ZNF512: variants seen among roughly 807,000 people sequenced by gnomAD.
The protein encoded by ZNF512 is zinc finger protein 512.
ZNF512 carries 25 observed loss-of-function variants against 77.5 expected under a neutral mutation model. That is an observed-to-expected ratio of 0.32 (90% CI 0.23 to 0.45). ZNF512 has a LOEUF of 0.45. Ranked by LOEUF, ZNF512 falls within the 20% of genes least tolerant of loss-of-function variation. ZNF512 has a pLI of 1.00. For missense variants in ZNF512, 483 were observed against 692.6 expected, an observed-to-expected ratio of 0.70 and a Z score of 3.40; for synonymous variants, 246 against 239.9, an observed-to-expected ratio of 1.03 and a Z score of -0.24.
chr2:27,591,005 T>C (rs1671549431), intron 2 of ZNF512, among the ~76,000 whole-genome samples: 1 of 152,224 alleles, frequency 6.6e-6, no homozygotes, highest in Non-Finnish European at 1.5e-5. Context: ...ACAAATTTTT[T>C]CTCTCAAAAT....
At chr2:27,612,174 G>A (rs922101300) in intron 10 of ZNF512, among the ~76,000 whole-genome samples, 10 of 152,024 alleles carry the variant, frequency 6.6e-5, no homozygotes, top group Non-Finnish European at 1.5e-4. Context: ...TTATTTTGCT[G>A]CTCAATGTGT....
chr2:27,587,289 T>C (rs1239971960), intron 2 of ZNF512, among the ~76,000 whole-genome samples: 5 of 151,520 alleles, frequency 3.3e-5, no homozygotes, highest in African/African-American at 9.7e-5. Flanking sequence ...TTTTTTTTCT[T>C]TTTTTGAGAC....
intron 2 of ZNF512, among the ~76,000 whole-genome samples, chr2:27,592,690 T>G (rs1008052250): frequency 3.0e-4 from 34 of 112,056 alleles, no homozygotes; most frequent in African/African-American, 1.0e-3. Context: ...TTTTTTTTTT[T>G]TTTTTTTGTT....
At chr2:27,614,159 G>A (rs1672785884) in intron 10 of ZNF512, among the ~76,000 whole-genome samples, 1 of 152,026 alleles carries the variant, frequency 6.6e-6, no homozygotes, top group Non-Finnish European at 1.5e-5. Context: ...TTTTGTCGCA[G>A]AGAATCAGCT....
chr2:27,591,178 A>G (rs574506455), intron 2 of ZNF512, among the ~76,000 whole-genome samples: 13 of 152,208 alleles, frequency 8.5e-5, no homozygotes, highest in Non-Finnish European at 1.9e-4. Flanking sequence ...CTGGGACTAT[A>G]GTTGCATGGC....
chr2:27,598,304 T>C lies in ZNF512; in HGVS notation c.277+50T>C, dbSNP rs779645530. The C allele has an allele frequency of 3.2e-6, 5 of 1,555,404 alleles. No homozygotes were observed. The Admixed American group carries it at 8.4e-5, about 26-fold the overall frequency. On this transcript the variant is annotated intron_variant, in intron 3 of 13. Coordinates refer to ENST00000355467, the MANE Select transcript of ZNF512 (RefSeq NM_032434.4). ...GAAGACGGGCCACTTCCTAAAGTTATAGTTTGAGATTGTTATAAATACCTC... is the reference window on the plus strand; with the variant it reads ...GAAGACGGGCCACTTCCTAAAGTTACAGTTTGAGATTGTTATAAATACCTC...
At chr2:27,603,401 T>G in intron 9 of ZNF512, 94 bp downstream of exon 9, 6 of 1,315,146 alleles carry the variant, frequency 4.6e-6, no homozygotes, top group Non-Finnish European at 6.3e-6. Flanking sequence ...GGTTCCTCAT[T>G]TGTATCCTCT....
At chr2:27,601,772 C>A (rs566404628) in intron 7 of ZNF512, among the ~76,000 whole-genome samples, 2 of 152,278 alleles carry the variant, frequency 1.3e-5, no homozygotes, top group South Asian at 2.1e-4. Flanking sequence ...CCTCAGCCTC[C>A]CGAGTAGGTG....
intron 10 of ZNF512, among the ~76,000 whole-genome samples, chr2:27,610,874 G>A (rs1407227814): frequency 1.3e-5 from 2 of 151,158 alleles, no homozygotes; most frequent in Non-Finnish European, 3.0e-5. Context: ...GCGTGGCCTG[G>A]TTTATATTTT....
chr2:27,604,366 T>G (rs1435350608), intron 9 of ZNF512, among the ~76,000 whole-genome samples: 1 of 151,858 alleles, frequency 6.6e-6, no homozygotes, highest in African/African-American at 2.4e-5. Flanking sequence ...ACCCTGTGGT[T>G]TCTTTTTTTT....
At chr2:27,610,569 T>TATATATA (rs70953871) in intron 10 of ZNF512, among the ~76,000 whole-genome samples, 2 of 15,796 alleles carry the variant, frequency 1.3e-4, no homozygotes, top group Non-Finnish European at 2.3e-4. Flanking sequence ...TATATATATA[T>TATATATA]TTTTTTTTTT....
chr2:27,617,538 T>C lies in ZNF512; in HGVS notation c.1362T>C (p.Gly454=). ...AGAAAGAATTTGTGTCAGAGAGTGG[T>C]GTCAAGTATCACATCAACTCCGTCC... ...LCQKEFVSES[G]VKYHINSVHA... The change falls in exon 13 of 14, where the codon GGT becomes GGC. Residue 454 remains glycine (G), a synonymous_variant. Transcript: ENST00000355467. 6.9e-7 allele frequency: 1 copy of C among 1,459,520 alleles called. No individual in the cohort carries two copies. The highest frequency in any genetic ancestry group is 9.6e-7 in the Non-Finnish European group (1 of 1,039,030). 90.4% of individuals were successfully genotyped at this position (1,459,520 alleles called of 1,614,324 possible). A position where few individuals can be genotyped will look rare whatever the true frequency, so the allele number is the denominator to read the frequency against.
intron 10 of ZNF512, among the ~76,000 whole-genome samples, chr2:27,610,378 T>TAA (rs1237404804): frequency 8.4e-5 from 12 of 142,812 alleles, no homozygotes; most frequent in Admixed American, 1.4e-4. Flanking sequence ...AAAAAAAAAA[T>TAA]AAATAAATAA....
chr2:27,593,245 C>A (rs868396196), intron 2 of ZNF512, among the ~76,000 whole-genome samples: 75 of 122,810 alleles, frequency 6.1e-4, no homozygotes, highest in Admixed American at 1.8e-3. Flanking sequence ...CACACACACA[C>A]AAAAGAATGA....
chr2:27,596,120 T>G (rs1028863261), intron 2 of ZNF512, among the ~76,000 whole-genome samples: 9 of 152,224 alleles, frequency 5.9e-5, no homozygotes, highest in African/African-American at 2.2e-4. Context: ...TTTGTTAAAA[T>G]CTCGGTTCTG....
chr2:27,594,647 C>T (rs867435269), intron 2 of ZNF512, among the ~76,000 whole-genome samples: 10 of 138,812 alleles, frequency 7.2e-5, no homozygotes, highest in Admixed American at 2.2e-4. Flanking sequence ...ACTTCCCAGA[C>T]GGGGCGGCCG....
At chr2:27,590,979 A>G (rs1671547959) in intron 2 of ZNF512, among the ~76,000 whole-genome samples, 1 of 152,236 alleles carries the variant, frequency 6.6e-6, no homozygotes, top group Non-Finnish European at 1.5e-5. Flanking sequence ...TTCACTGAAT[A>G]TAGAATTCTG....
At chr2:27,616,667 A>G (rs529215159) in intron 12 of ZNF512, among the ~76,000 whole-genome samples, 167 of 152,314 alleles carry the variant, frequency 1.1e-3, no homozygotes, top group African/African-American at 3.9e-3. Flanking sequence ...GTGGGCCTAA[A>G]ACTTTGTAGA....
At chr2:27,593,195 TACACACACAC>T (rs57568574) in intron 2 of ZNF512, among the ~76,000 whole-genome samples, 1,896 of 112,132 alleles carry the variant, frequency 0.017, 22 homozygotes, top group Admixed American at 0.019. Context: ...ACCCTGTCTC[TACACACACAC>T]ACACACACAC....
Sources: allele counts gnomAD v4.1 joint callset (sites outside exome capture counted in the v4.1 genomes callset), GRCh38; gene constraint gnomAD v4.1.1; transcripts MANE v1.5; gene names NCBI Gene and HGNC (gene_info 2026-07-23, HGNC 2026-07-21).